PRPSAP1: variants seen among roughly 807,000 people sequenced by gnomAD.
PRPSAP1 encodes the protein phosphoribosyl pyrophosphate synthase-associated protein 1.
PRPSAP1 carries 31 observed loss-of-function variants against 39.4 expected under a neutral mutation model. That is an observed-to-expected ratio of 0.79 (90% CI 0.59 to 1.06). PRPSAP1 has a LOEUF of 1.06. Ranked by LOEUF, PRPSAP1 falls within the 50% of genes least tolerant of loss-of-function variation. PRPSAP1 has a pLI of 0.00. For synonymous variants in PRPSAP1, 212 were observed against 192.6 expected (o/e 1.10, Z -0.83); for missense variants, 430 against 511.6 (o/e 0.84, Z 1.54).
chr17:76,314,876 C>G, intron 7 of PRPSAP1, among the ~76,000 whole-genome samples: 1 of 152,194 alleles, frequency 6.6e-6, no homozygotes, highest in Non-Finnish European at 1.5e-5. Flanking sequence ...GATAGAAACC[C>G]CACTCTCACA....
intron 7 of PRPSAP1, among the ~76,000 whole-genome samples, chr17:76,324,627 C>T (rs1225253416): frequency 6.6e-6 from 1 of 151,600 alleles, no homozygotes. Context: ...TATAAAACAG[C>T]ATTACATGCT....
chr17:76,339,466 C>G (rs1475159925), intron 3 of PRPSAP1, among the ~76,000 whole-genome samples: 2 of 151,792 alleles, frequency 1.3e-5, no homozygotes, highest in Non-Finnish European at 2.9e-5. Flanking sequence ...TTATGGGCTG[C>G]ACACCCACAC....
intron 7 of PRPSAP1, among the ~76,000 whole-genome samples, chr17:76,319,733 G>A (rs796594946): frequency 4.4e-4 from 67 of 151,960 alleles, no homozygotes; most frequent in African/African-American, 1.4e-3. Flanking sequence ...GATTACAGGC[G>A]TGAGCCACCG....
At chr17:76,331,004 T>C (rs1358694222) in intron 4 of PRPSAP1, among the ~76,000 whole-genome samples, 1 of 152,146 alleles carries the variant, frequency 6.6e-6, no homozygotes, top group Non-Finnish European at 1.5e-5. Flanking sequence ...AAGGCCTTGA[T>C]TACAGAATCT....
chr17:76,351,823 A>C (rs2071576997), intron 1 of PRPSAP1, among the ~76,000 whole-genome samples: 1 of 152,130 alleles, frequency 6.6e-6, no homozygotes, highest in Non-Finnish European at 1.5e-5. Context: ...TAAAACAAAC[A>C]AACAAAAAAA....
intron 7 of PRPSAP1, among the ~76,000 whole-genome samples, chr17:76,325,902 G>A (rs974870012): frequency 2.0e-5 from 3 of 152,034 alleles, no homozygotes; most frequent in African/African-American, 7.2e-5. Flanking sequence ...CATTGCGCCT[G>A]GCCAACTGCT....
At chr17:76,312,575 T>TA (rs1380362040) in intron 9 of PRPSAP1, among the ~76,000 whole-genome samples, 1 of 152,248 alleles carries the variant, frequency 6.6e-6, no homozygotes, top group Non-Finnish European at 1.5e-5. Context: ...TTTCATTTTA[T>TA]AATAAAAGCG....
chr17:76,314,965 C>T (rs893833287), intron 7 of PRPSAP1, among the ~76,000 whole-genome samples: 3 of 152,208 alleles, frequency 2.0e-5, no homozygotes, highest in Non-Finnish European at 4.4e-5. Flanking sequence ...CATGAGATGG[C>T]TTTATGTTAT....
In PRPSAP1 at chr17:76,353,847, C is replaced by A. The variant is rs764142082; in HGVS notation, c.-144G>T. On this transcript the variant is annotated 5_prime_UTR_variant, in exon 1 of 10. Coordinates refer to ENST00000446526, the MANE Select transcript of PRPSAP1 (RefSeq NM_002766.3). ...GAGCTCCGAGGTCCGTGCCCTTGCG[C>A]ACCCCACACCACTGACTACAGCGGC... 7.3e-7 allele frequency: 1 copy of A among 1,363,682 alleles called. No individual in the cohort carries two copies. Among genetic ancestry groups the A allele is most frequent in the Non-Finnish European group, 9.4e-7 (1 of 1,065,396 alleles). 84.5% of individuals were successfully genotyped at this position (1,363,682 alleles called of 1,614,324 possible).
intron 7 of PRPSAP1, among the ~76,000 whole-genome samples, chr17:76,322,461 T>C (rs2071208323): frequency 6.6e-6 from 1 of 152,162 alleles, no homozygotes; most frequent in Non-Finnish European, 1.5e-5. Context: ...AGGAGATTAG[T>C]GATGTTTTCA....
intron 3 of PRPSAP1, among the ~76,000 whole-genome samples, chr17:76,333,158 T>C (rs2143506780): frequency 6.6e-6 from 1 of 152,202 alleles, no homozygotes; most frequent in African/African-American, 2.4e-5. Flanking sequence ...TCGCCCAGGC[T>C]GGACTGCAGT....
chr17:76,328,845 TC>T lies in PRPSAP1; in HGVS notation c.652del (p.Glu218ArgfsTer44). On this transcript the variant is annotated frameshift_variant, in exon 7 of 10. Transcript: ENST00000446526. LOFTEE classifies it high-confidence loss of function. ...DAAKRAQSYA[E>X]RLRLGLAVIH... The stretch of plus-strand genomic sequence containing the variant: ...GACGGCCAAACCCAGACGCAGTCTC[TC>T]CGCATAGGACTGGGCCCTAGAAGGA... 1 of 1,613,988 alleles carries T rather than the reference TC, an allele frequency of 6.2e-7. No homozygotes were observed. The highest frequency in any genetic ancestry group is 1.1e-5 in the South Asian group (1 of 91,072).
chr17:76,314,258 T>A (rs1229112199), intron 7 of PRPSAP1: 1 of 248,518 alleles, frequency 4.0e-6, no homozygotes, highest in Non-Finnish European at 7.9e-6. Context: ...TTGCTCTTGT[T>A]GCCCAGGCTG....
chr17:76,341,634 A>G (rs1338430579), intron 3 of PRPSAP1, among the ~76,000 whole-genome samples: 1 of 152,206 alleles, frequency 6.6e-6, no homozygotes, highest in Non-Finnish European at 1.5e-5. Context: ...CCAATCAATC[A>G]TGCTTTTAGA....
intron 1 of PRPSAP1, among the ~76,000 whole-genome samples, chr17:76,351,292 G>A (rs1183889739): frequency 6.6e-6 from 1 of 151,974 alleles, no homozygotes; most frequent in African/African-American, 2.4e-5. Context: ...CGAGGCGAGT[G>A]GATCACGAGG....
intron 3 of PRPSAP1, among the ~76,000 whole-genome samples, chr17:76,338,772 G>A (rs1177130001): frequency 6.6e-6 from 1 of 151,990 alleles, no homozygotes; most frequent in Non-Finnish European, 1.5e-5. Context: ...GGTGGCTCAT[G>A]CCTGTAATCC....
At chr17:76,352,675 AAAAG>A (rs1419489312) in intron 1 of PRPSAP1, among the ~76,000 whole-genome samples, 3 of 151,048 alleles carry the variant, frequency 2.0e-5, no homozygotes, top group Admixed American at 6.6e-5. Flanking sequence ...AAAGAAAAGA[AAAAG>A]AAAAAGAAAA....
chr17:76,335,990 C>A (rs575649370), intron 3 of PRPSAP1, among the ~76,000 whole-genome samples: 2 of 152,004 alleles, frequency 1.3e-5, no homozygotes, highest in African/African-American at 2.4e-5. Flanking sequence ...TCTCAAAAAA[C>A]ACACAAAAAA....
At chr17:76,346,515 AT>A (rs1485251199) in intron 2 of PRPSAP1, among the ~76,000 whole-genome samples, 1 of 152,144 alleles carries the variant, frequency 6.6e-6, no homozygotes, top group African/African-American at 2.4e-5. Context: ...CCCATAATTG[AT>A]TACCAGTGTG....
Sources: allele counts gnomAD v4.1 joint callset (sites outside exome capture counted in the v4.1 genomes callset), GRCh38; gene constraint gnomAD v4.1.1; transcripts MANE v1.5; gene names NCBI Gene and HGNC (gene_info 2026-07-23, HGNC 2026-07-21).